The following ASB18 variants were observed in gnomAD, a reference collection of about 807,000 sequenced individuals.
ASB18 encodes ankyrin repeat and SOCS box protein 18.
ASB18 carries 33 observed loss-of-function variants against 33.4 expected under a neutral mutation model. The ratio of observed to expected loss-of-function variants is 0.99; its 90% confidence interval spans 0.75 to 1.32. The LOEUF is 1.32. Among genes scored for constraint, ASB18 ranks in the 40% most tolerant of loss-of-function variants. The pLI, the probability that ASB18 is intolerant of heterozygous loss-of-function variation, is 0.00. For synonymous variants in ASB18, 295 were observed against 307.6 expected (o/e 0.96, Z 0.43); for missense variants, 694 against 655.5 (o/e 1.06, Z -0.64).
intron 1 of ASB18, among the ~76,000 whole-genome samples, chr2:236,254,882 A>G (rs141808169): frequency 9.9e-5 from 15 of 152,132 alleles, no homozygotes; most frequent in Admixed American, 8.5e-4. Flanking sequence ...ATGGGGGCGG[A>G]GTTCCCAGGA....
Position 236,223,544 on chromosome 2 carries a change from A to G in ASB18, c.597-8678T>C, listed in dbSNP as rs1448846203. Among the ~76,000 whole-genome samples the G allele has an allele frequency of 6.6e-6, 1 of 152,264 alleles. No individual in the cohort carries two copies. The highest frequency in any genetic ancestry group is 1.5e-5 in the Non-Finnish European group (1 of 68,048). ...AGGTATGTATGTATATTTTAATACAATAACTTCTGTGAGGTACACACGCAG... is the reference window on the plus strand; with the variant it reads ...AGGTATGTATGTATATTTTAATACAGTAACTTCTGTGAGGTACACACGCAG... On this transcript the variant is annotated intron_variant, in intron 3 of 5. Transcript: ENST00000409749. The surrounding 1 kb of genome is among the most constrained non-coding windows in gnomAD (Gnocchi z 4.6).
At position 236,248,249 on chromosome 2, in the gene ASB18, T is replaced by C. The variant is rs888986550; in HGVS notation, c.206-6847A>G. 1 of 152,154 alleles carries C rather than the reference T, an allele frequency of 6.6e-6. No individual in the cohort carries two copies. The highest frequency in any genetic ancestry group is 6.5e-5 in the Admixed American group (1 of 15,276). The allele number at this position is 152,154 out of a possible 1,614,324, so 9.4% of individuals were successfully genotyped here. On this transcript the variant is annotated intron_variant, in intron 1 of 5. Coordinates refer to ENST00000409749, the MANE Select transcript of ASB18 (RefSeq NM_212556.4). This position sits in a 1 kb window ranked among gnomAD's most constrained non-coding sequence, Gnocchi z 4.9. ...ACGATGCCTGGAGCCCACCTGGTAGTTTCAGGCATAATGGGTTGGAGGTGC... is the reference window on the plus strand; with the variant it reads ...ACGATGCCTGGAGCCCACCTGGTAGCTTCAGGCATAATGGGTTGGAGGTGC...
In ASB18 at chr2:236,243,911, C is replaced by G. The variant is rs145633409; in HGVS notation, c.206-2509G>C. On this transcript the variant is annotated intron_variant, in intron 1 of 5. Transcript: ENST00000409749. ...ATGTGATCTCTGCTCACTGCAACCT[C>G]TGCCTCCAGGGCTCCAGCGATTCTC... is the stretch of plus-strand genomic sequence containing the variant. Among the ~76,000 whole-genome samples, 742 of 152,254 alleles carry G rather than the reference C, an allele frequency of 4.9e-3. 11 individuals carry two copies. The highest frequency in any genetic ancestry group is 0.017 in the African/African-American group (716 of 41,542).
At position 236,215,895 on chromosome 2, in the gene ASB18, C is replaced by T. The variant is rs1189297336; in HGVS notation, c.597-1029G>A. Among the ~76,000 whole-genome samples the T allele has an allele frequency of 6.6e-6, 1 of 152,194 alleles. No homozygotes were observed. Among genetic ancestry groups the T allele is most frequent in the African/African-American group, 2.4e-5 (1 of 41,448 alleles). On this transcript the variant is annotated intron_variant, in intron 3 of 5. Transcript: ENST00000409749. The surrounding 1 kb of genome is among the most constrained non-coding windows in gnomAD (Gnocchi z 7.2). ...CCGACTTCAGACTACAGCCCTAGTC[C>T]TCTAGCTCCCCAATGCCTGTTGGTC...
At chr2:236,258,227 A>C (rs909734830) in intron 1 of ASB18, among the ~76,000 whole-genome samples, 2 of 152,188 alleles carry the variant, frequency 1.3e-5, no homozygotes, top group African/African-American at 2.4e-5. Context: ...ACTCCTGGGA[A>C]GGCAGTGTGG....
Position 236,219,196 on chromosome 2 carries a change from G to A in ASB18, c.597-4330C>T, listed in dbSNP as rs144963406. ...CTGCCAAAAAACCTAGAAATTTAGA[G>A]GGCAATGTGTGTTTATCTCTGGATG... On this transcript the variant is annotated intron_variant, in intron 3 of 5. Coordinates refer to ENST00000409749, the MANE Select transcript of ASB18 (RefSeq NM_212556.4). This position sits in a 1 kb window ranked among gnomAD's most constrained non-coding sequence, Gnocchi z 6.4. Among the ~76,000 whole-genome samples the A allele has an allele frequency of 1.4e-3, 217 of 152,232 alleles. 1 individual carries two copies. Among genetic ancestry groups the A allele is most frequent in the African/African-American group, 4.9e-3 (202 of 41,528 alleles).
chr2:236,201,446 A>G (rs1005421642), intron 4 of ASB18, among the ~76,000 whole-genome samples: 9 of 152,180 alleles, frequency 5.9e-5, no homozygotes, highest in East Asian at 1.9e-4. Flanking sequence ...GAGCCACTAC[A>G]CCCGGCTCAT....
chr2:236,218,571 G>A (rs1018490526), intron 3 of ASB18, among the ~76,000 whole-genome samples: 10 of 152,064 alleles, frequency 6.6e-5, no homozygotes, highest in Admixed American at 2.0e-4. Context: ...GGCCAAGGCC[G>A]GCGGATTGCG....
chr2:236,227,169 A>G (rs1015350232), intron 3 of ASB18, among the ~76,000 whole-genome samples: 4 of 152,158 alleles, frequency 2.6e-5, no homozygotes, highest in African/African-American at 9.7e-5. Context: ...GAATACCCTG[A>G]CTTGGAATAT....
At chr2:236,210,171 C>T (rs565056055) in intron 4 of ASB18, among the ~76,000 whole-genome samples, 12 of 152,312 alleles carry the variant, frequency 7.9e-5, no homozygotes, top group Middle Eastern at 3.4e-3. Flanking sequence ...TCCTGCTCCT[C>T]ACTGTGACTC....
chr2:236,241,155 T>C lies in ASB18; in HGVS notation c.328+125A>G. 1.1e-6 allele frequency: 1 copy of C among 946,824 alleles called. No individual in the cohort carries two copies. The highest frequency in any genetic ancestry group is 1.6e-6 in the Non-Finnish European group (1 of 612,936). 58.7% of individuals were successfully genotyped at this position (946,824 alleles called of 1,614,324 possible). ...TACTGCGAGCAAACTTCATCAGATG[T>C]CCTTTTCTTGTGTACGTTAAACCCA... is the stretch of plus-strand genomic sequence containing the variant. On this transcript the variant is annotated intron_variant, in intron 2 of 5. Coordinates refer to ENST00000409749, the MANE Select transcript of ASB18 (RefSeq NM_212556.4). The surrounding 1 kb of genome is among the most constrained non-coding windows in gnomAD (Gnocchi z 4.2).
rs1319639917 is a variant in ASB18, at chr2:236,234,026, A to G, written c.596+3663T>C. 6.6e-6 allele frequency among the ~76,000 whole-genome samples: 1 copy of G among 152,254 alleles called. No homozygotes were observed. The highest frequency in any genetic ancestry group is 1.5e-5 in the Non-Finnish European group (1 of 68,042). ...ATAAAGTTACAATATTCAAGACAGT[A>G]TGGTATTGGTGTTAAAACAGGCAAA... On this transcript the variant is annotated intron_variant, in intron 3 of 5. Coordinates refer to ENST00000409749, the MANE Select transcript of ASB18 (RefSeq NM_212556.4). The surrounding 1 kb of genome is among the most constrained non-coding windows in gnomAD (Gnocchi z 4.1).
intron 4 of ASB18, among the ~76,000 whole-genome samples, chr2:236,197,049 A>G (rs1396864163): frequency 7.7e-6 from 1 of 129,364 alleles, no homozygotes; most frequent in African/African-American, 4.0e-5. Flanking sequence ...TGCCAATAGT[A>G]TGATAAACTC....
rs2060670488 is a variant in ASB18, at chr2:236,251,944, A to AT, written c.206-10543dup. Reference sequence around the variant, plus strand: ...TATACTGAGTTTACATGTACAGAGCATTTTTCAGGTACAAGAAGCTTACAG... The same window carrying AT: ...TATACTGAGTTTACATGTACAGAGCATTTTTTCAGGTACAAGAAGCTTACAG... On this transcript the variant is annotated intron_variant, in intron 1 of 5. Coordinates refer to ENST00000409749, the MANE Select transcript of ASB18 (RefSeq NM_212556.4). The surrounding 1 kb of genome is among the most constrained non-coding windows in gnomAD (Gnocchi z 5.3). Among the ~76,000 whole-genome samples the AT allele has an allele frequency of 6.6e-6, 1 of 152,126 alleles. No homozygotes were observed. Among genetic ancestry groups the AT allele is most frequent in the African/African-American group, 2.4e-5 (1 of 41,424 alleles).
chr2:236,263,288 A>C lies in ASB18; in HGVS notation c.205+853T>G, dbSNP rs1473588764. Among the ~76,000 whole-genome samples, 1 of 152,196 alleles carries C rather than the reference A, an allele frequency of 6.6e-6. No individual in the cohort carries two copies. The highest frequency in any genetic ancestry group is 1.5e-5 in the Non-Finnish European group (1 of 68,030). ...AAGAGATGGAGAGTTCCTGCCCAAG[A>C]CCCAAATAGACAGGTCTTGCACCTG... On this transcript the variant is annotated intron_variant, in intron 1 of 5. Transcript: ENST00000409749. This position sits in a 1 kb window ranked among gnomAD's most constrained non-coding sequence, Gnocchi z 4.0.
At chr2:236,227,565 A>C (rs182840162) in intron 3 of ASB18, among the ~76,000 whole-genome samples, 10 of 152,246 alleles carry the variant, frequency 6.6e-5, no homozygotes, top group Non-Finnish European at 1.3e-4. Flanking sequence ...CACAGCTAGT[A>C]AGTGTTGGAA....
intron 3 of ASB18, among the ~76,000 whole-genome samples, chr2:236,227,087 A>T (rs970082901): frequency 6.6e-6 from 1 of 152,206 alleles, no homozygotes; most frequent in Non-Finnish European, 1.5e-5. Flanking sequence ...TTGCATTTAA[A>T]GAACTTAATT....
In ASB18 at chr2:236,217,519, T is replaced by C. The variant is rs1439160696; in HGVS notation, c.597-2653A>G. Among the ~76,000 whole-genome samples the C allele has an allele frequency of 2.6e-5, 4 of 152,194 alleles. No homozygotes were observed. In the East Asian group the frequency reaches 7.7e-4, roughly 29 times the overall value. On this transcript the variant is annotated intron_variant, in intron 3 of 5. Transcript: ENST00000409749. This position sits in a 1 kb window ranked among gnomAD's most constrained non-coding sequence, Gnocchi z 5.2. ...GCCTATCATAGTGCCTATCACACTA[T>C]TGGTATTCCCTAAAAACATATTGAA...
At position 236,255,294 on chromosome 2, in the gene ASB18, C is replaced by T. The variant is rs1277029146; in HGVS notation, c.205+8847G>A. Among the ~76,000 whole-genome samples, 1 of 152,058 alleles carries T rather than the reference C, an allele frequency of 6.6e-6. No individual in the cohort carries two copies. The highest frequency in any genetic ancestry group is 1.5e-5 in the Non-Finnish European group (1 of 68,028). Reference sequence around the variant, plus strand: ...GAGTAGCTGAAATTACAGGCGCCCACCACGACGCCCAGCTAATTTATATAT... The same window carrying T: ...GAGTAGCTGAAATTACAGGCGCCCATCACGACGCCCAGCTAATTTATATAT... On this transcript the variant is annotated intron_variant, in intron 1 of 5. Coordinates refer to ENST00000409749, the MANE Select transcript of ASB18 (RefSeq NM_212556.4). The surrounding 1 kb of genome is among the most constrained non-coding windows in gnomAD (Gnocchi z 4.4).
Sources: gnomAD v4.1 joint callset for allele counts (sites outside exome capture counted in the v4.1 genomes callset) on GRCh38, gnomAD v4.1.1 for gene constraint, Gnocchi (gnomAD v3.1) non-coding constraint, MANE v1.5 for transcripts, NCBI Gene and HGNC (gene_info 2026-07-23, HGNC 2026-07-21) for gene names.